The following MBNL1 variants were observed in gnomAD, a reference collection of about 807,000 sequenced individuals.
MBNL1 encodes muscleblind-like protein 1.
MBNL1 carries 8 observed loss-of-function variants against 42.2 expected under a neutral mutation model. The ratio of observed to expected loss-of-function variants is 0.19; its 90% confidence interval spans 0.11 to 0.34. The LOEUF (loss-of-function observed/expected upper bound fraction) is 0.34, where lower values mean the gene tolerates loss of function less well. MBNL1 is among the 10% of genes least tolerant of loss of function. The pLI, the probability that MBNL1 is intolerant of heterozygous loss-of-function variation, is 1.00. For synonymous variants in MBNL1, 169 were observed against 173.9 expected, an observed-to-expected ratio of 0.97 and a Z score of 0.22; for missense variants, 309 against 495.3, an observed-to-expected ratio of 0.62 and a Z score of 3.57.
intron 5 of MBNL1, among the ~76,000 whole-genome samples, chr3:152,446,148 G>A (rs557597080): frequency 6.6e-5 from 10 of 151,838 alleles, no homozygotes; most frequent in African/African-American, 2.2e-4. Context: ...GTTAGAAATT[G>A]GATCATTAAG....
At chr3:152,291,776 TTTTG>T (rs1351795828) in intron 1 of MBNL1, among the ~76,000 whole-genome samples, 4 of 152,178 alleles carry the variant, frequency 2.6e-5, no homozygotes, top group East Asian at 1.9e-4. Flanking sequence ...GATGGGGTTT[TTTTG>T]TTTGTTTTGT....
At chr3:152,293,471 CTT>C (rs2057083039) in intron 1 of MBNL1, among the ~76,000 whole-genome samples, 1 of 152,172 alleles carries the variant, frequency 6.6e-6, no homozygotes, top group African/African-American at 2.4e-5. Context: ...TGTGAGCAAA[CTT>C]AGTTTACTAA....
intron 2 of MBNL1, among the ~76,000 whole-genome samples, chr3:152,392,446 C>CA (rs2097762221): frequency 6.6e-6 from 1 of 152,114 alleles, no homozygotes; most frequent in African/African-American, 2.4e-5. Flanking sequence ...TTTAAAAACT[C>CA]AAAAAATGAA....
intron 2 of MBNL1, among the ~76,000 whole-genome samples, chr3:152,373,254 C>G (rs1249255621): frequency 6.7e-6 from 1 of 150,078 alleles, no homozygotes; most frequent in Non-Finnish European, 1.5e-5. Flanking sequence ...GTGGGATCCA[C>G]TGATCCACTT....
chr3:152,406,497 T>C (rs1328121719), intron 2 of MBNL1, among the ~76,000 whole-genome samples: 2 of 152,180 alleles, frequency 1.3e-5, no homozygotes, highest in Admixed American at 1.3e-4. Context: ...TGTGTGTGAT[T>C]TGTTGCCTTT....
intron 6 of MBNL1, among the ~76,000 whole-genome samples, chr3:152,450,620 C>T (rs1027844688): frequency 6.6e-6 from 1 of 152,164 alleles, no homozygotes; most frequent in Non-Finnish European, 1.5e-5. Context: ...GATTGTCTGC[C>T]TGGCAGGTTG....
At position 152,399,522 on chromosome 3, in the gene MBNL1, T is replaced by A. The variant is rs181724642; in HGVS notation, c.175-15419T>A. The stretch of plus-strand genomic sequence containing the variant: ...GGACTTCTTATTTAATTAATTATTT[T>A]TTTTTTTTGAGACAGGCTTTTGCTC... On this transcript the variant is annotated intron_variant, in intron 2 of 9. Coordinates refer to ENST00000324210, the MANE Select transcript of MBNL1 (RefSeq NM_021038.5). 1.4e-3 allele frequency among the ~76,000 whole-genome samples: 214 copies of A among 152,224 alleles called. 2 individuals carry two copies. In the South Asian group the frequency reaches 0.02, roughly 14 times the overall value.
chr3:152,423,389 C>T (rs1560535781), intron 3 of MBNL1, among the ~76,000 whole-genome samples: 1 of 152,090 alleles, frequency 6.6e-6, no homozygotes, highest in African/African-American at 2.4e-5. Flanking sequence ...AGGAAGAAGT[C>T]GAATCCCTGA....
At chr3:152,291,245 T>G (rs1293181490) in intron 1 of MBNL1, among the ~76,000 whole-genome samples, 1 of 152,200 alleles carries the variant, frequency 6.6e-6, no homozygotes, top group African/African-American at 2.4e-5. Flanking sequence ...AAATGCAGTG[T>G]TTCTTTTGCT....
chr3:152,270,643 G>A (rs1157195860), intron 1 of MBNL1, among the ~76,000 whole-genome samples: 1 of 152,210 alleles, frequency 6.6e-6, no homozygotes, highest in Non-Finnish European at 1.5e-5. Flanking sequence ...GTTATAGATA[G>A]AGGCACTGAA....
chr3:152,388,798 T>C (rs1036242543), intron 2 of MBNL1, among the ~76,000 whole-genome samples: 2 of 152,224 alleles, frequency 1.3e-5, no homozygotes, highest in African/African-American at 4.8e-5. Context: ...GTAGCCTGCA[T>C]GTGCATTATT....
chr3:152,306,253 A>G (rs985638049), intron 2 of MBNL1, among the ~76,000 whole-genome samples: 10 of 152,152 alleles, frequency 6.6e-5, no homozygotes, highest in African/African-American at 2.4e-4. Flanking sequence ...CATAACAGAG[A>G]CACCTCCCCT....
chr3:152,292,588 T>A (rs952813435), intron 1 of MBNL1, among the ~76,000 whole-genome samples: 1 of 152,214 alleles, frequency 6.6e-6, no homozygotes, highest in Non-Finnish European at 1.5e-5. Flanking sequence ...GCAGGCCACA[T>A]TGGCAGTCTC....
Position 152,463,522 on chromosome 3 carries a change from A to C in MBNL1, c.*1156A>C, listed in dbSNP as rs1344510857. 6.6e-6 allele frequency: 1 copy of C among 152,550 alleles called. No homozygotes were observed. The highest frequency in any genetic ancestry group is 2.4e-5 in the African/African-American group (1 of 41,460). 9.4% of individuals were successfully genotyped at this position (152,550 alleles called of 1,614,324 possible). A position where few individuals can be genotyped will look rare whatever the true frequency, so the allele number is the denominator to read the frequency against. ...AGTGACTCTAAACAAAGAAGAAAGC[A>C]GCACTGTCATCAGATGCATGATAAA... On this transcript the variant is annotated 3_prime_UTR_variant, in exon 10 of 10. Transcript: ENST00000324210.
intron 2 of MBNL1, among the ~76,000 whole-genome samples, chr3:152,258,055 A>G (rs2035694165): frequency 6.6e-6 from 1 of 152,174 alleles, no homozygotes; most frequent in Admixed American, 6.5e-5. Context: ...ATCCTACCTA[A>G]TATAAAAACT....
At chr3:152,307,960 G>A (rs1178800739) in intron 2 of MBNL1, among the ~76,000 whole-genome samples, 3 of 152,150 alleles carry the variant, frequency 2.0e-5, no homozygotes, top group African/African-American at 7.2e-5. Context: ...TGTTGTATCT[G>A]TTGTAAAATA....
intron 1 of MBNL1, among the ~76,000 whole-genome samples, chr3:152,270,237 G>T (rs1193035794): frequency 1.3e-5 from 2 of 152,104 alleles, no homozygotes; most frequent in African/African-American, 2.4e-5. Context: ...ACCAGCACAG[G>T]CACAAGTCAT....
At chr3:152,460,662 T>A in intron 9 of MBNL1, among the ~76,000 whole-genome samples, 1 of 151,804 alleles carries the variant, frequency 6.6e-6, no homozygotes, top group Non-Finnish European at 1.5e-5. Flanking sequence ...TAAAAAGGTG[T>A]CCATTTTTCA....
intron 2 of MBNL1, among the ~76,000 whole-genome samples, chr3:152,395,967 GC>G (rs1176552508): frequency 1.3e-5 from 2 of 152,188 alleles, no homozygotes; most frequent in African/African-American, 4.8e-5. Flanking sequence ...AGTGGATGAA[GC>G]TTCATCTCTA....
Sources: allele counts gnomAD v4.1 joint callset (sites outside exome capture counted in the v4.1 genomes callset), GRCh38; gene constraint gnomAD v4.1.1; transcripts MANE v1.5; gene names NCBI Gene and HGNC (gene_info 2026-07-23, HGNC 2026-07-21).